Variants in CD109 observed in about 807,000 individuals in gnomAD.
CD109 encodes the protein CD109 antigen.
In CD109, 149 loss-of-function variants were observed where a neutral mutation model predicts 165.8. The ratio of observed to expected loss-of-function variants is 0.90; its 90% CI spans 0.79 to 1.03. The LOEUF (loss-of-function observed/expected upper bound fraction) is 1.03, where lower values mean the gene tolerates loss of function less well. CD109 is among the 50% of genes least tolerant of loss of function. The pLI, the probability that CD109 is intolerant of heterozygous loss-of-function variation, is 0.00. For missense variants in CD109, 1,712 were observed against 1,677.8 expected (o/e 1.02, Z -0.36); for synonymous variants, 585 against 592.1 (o/e 0.99, Z 0.18).
At chr6:73,699,243 C>A (rs904536165) in intron 2 of CD109, among the ~76,000 whole-genome samples, 2 of 152,110 alleles carry the variant, frequency 1.3e-5, no homozygotes, top group Admixed American at 6.5e-5. Context: ...TATTAAAAAA[C>A]CACCTATTGG....
intron 28 of CD109, 86 bp downstream of exon 28, chr6:73,811,233 A>T: frequency 7.0e-7 from 1 of 1,424,390 alleles, no homozygotes; most frequent in Non-Finnish European, 9.4e-7. Flanking sequence ...TGTTGATTTC[A>T]ACAAAGACTT....
chr6:73,770,386 C>T (rs544861199), intron 14 of CD109, among the ~76,000 whole-genome samples: 1 of 152,314 alleles, frequency 6.6e-6, no homozygotes, highest in East Asian at 1.9e-4. Context: ...TGTTAAGGCC[C>T]TCTTTGTCAG....
chr6:73,684,142 T>A, the CD109 span, among the ~76,000 whole-genome samples: 1 of 152,226 alleles, frequency 6.6e-6, no homozygotes, highest in Non-Finnish European at 1.5e-5. Context: ...GAAATGTGAT[T>A]GCTGGATCAT....
chr6:73,823,793 T>G lies in CD109; in HGVS notation c.*160T>G, dbSNP rs1388053929. 2.0e-6 allele frequency: 1 copy of G among 508,524 alleles called. No individual in the cohort carries two copies. The highest frequency in any genetic ancestry group is 3.3e-5 in the Admixed American group (1 of 30,516). The allele number at this position is 508,524 out of a possible 1,614,324, so 31.5% of individuals were successfully genotyped here. On this transcript the variant is annotated 3_prime_UTR_variant, in exon 33 of 33. Transcript: ENST00000287097. ...TACAACAGGTCCTAGCATGTATAGC[T>G]GCATAGATTTCTTCACCTGATCTTT...
the CD109 span, among the ~76,000 whole-genome samples, chr6:73,688,488 C>G: frequency 6.6e-6 from 1 of 152,108 alleles, no homozygotes; most frequent in Non-Finnish European, 1.5e-5. Flanking sequence ...TTGTAATTTC[C>G]TAAGTGTTAG....
intron 2 of CD109, among the ~76,000 whole-genome samples, chr6:73,707,745 T>G (rs1771336041): frequency 1.3e-5 from 2 of 152,048 alleles, no homozygotes; most frequent in African/African-American, 2.4e-5. Flanking sequence ...AATACTTAGT[T>G]CCAAGAAATG....
rs902159292 is a variant in CD109 at position 73,767,078 on chromosome 6, T to A, written c.1497+68T>A. On this transcript the variant is annotated intron_variant, in intron 13 of 32. Coordinates refer to ENST00000287097, the MANE Select transcript of CD109 (RefSeq NM_133493.5). ...CATCTTTTTATTCACTTTTAAGTTC[T>A]GGGGTACATGTGCAGGTTTGTTATA... is the stretch of plus-strand genomic sequence containing the variant. 6.6e-6 allele frequency: 9 copies of A among 1,372,710 alleles called. No individual in the cohort carries two copies. The African/African-American group carries it at 1.3e-4, about 20-fold the overall frequency. 85.0% of individuals were successfully genotyped at this position (1,372,710 alleles called of 1,614,324 possible).
At position 73,808,185 on chromosome 6, in the gene CD109, T is replaced by C. The variant is rs1176997530; in HGVS notation, c.3292T>C (p.Ser1098Pro). The change falls in exon 26 of 33, where the codon TCA becomes CCA. Residue 1098 changes from serine to proline, a missense_variant. Coordinates refer to ENST00000287097, the MANE Select transcript of CD109 (RefSeq NM_133493.5). Reference protein sequence around the residue: ...TLALITYALSSVGSPKAKEAL... With the variant: ...TLALITYALSPVGSPKAKEAL... ...AGCCCTTATAACTTATGCATTGTCA[T>C]CAGTGGGGAGTCCTAAAGCGAAGGA... 1.9e-6 allele frequency: 3 copies of C among 1,613,640 alleles called. No homozygotes were observed. The highest frequency in any genetic ancestry group is 2.5e-6 in the Non-Finnish European group (3 of 1,179,682).
At chr6:73,727,001 C>G (rs1038209574) in intron 3 of CD109, among the ~76,000 whole-genome samples, 1 of 152,108 alleles carries the variant, frequency 6.6e-6, no homozygotes, top group African/African-American at 2.4e-5. Context: ...CCCCCTTTCC[C>G]CCACCAATTT....
At chr6:73,757,262 G>T (rs1396362286) in intron 6 of CD109, among the ~76,000 whole-genome samples, 1 of 152,112 alleles carries the variant, frequency 6.6e-6, no homozygotes, top group African/African-American at 2.4e-5. Context: ...TCTTTTTTGA[G>T]ATTGGGTTTT....
At chr6:73,782,530 A>G in intron 17 of CD109, 84 bp from the exon 18 acceptor site, 3 of 1,328,804 alleles carry the variant, frequency 2.3e-6, no homozygotes, top group Non-Finnish European at 2.1e-6. Context: ...ACCTCAAGTG[A>G]TTGACATTCA....
In CD109 at chr6:73,768,055, G is replaced by A. The variant is rs765392321; in HGVS notation, c.1498G>A (p.Val500Ile). 1 of 1,611,566 alleles carries A rather than the reference G, an allele frequency of 6.2e-7. No individual in the cohort carries two copies. The highest frequency in any genetic ancestry group is 8.5e-7 in the Non-Finnish European group (1 of 1,178,564). The change falls in exon 14 of 33, where the codon GTA (valine) becomes ATA (isoleucine). Residue 500 changes from valine to isoleucine, a missense_variant and splice_region_variant. Transcript: ENST00000287097. The part of the protein sequence containing the change: ...NKRLKELSYM[V>I]VSRGQLVAVG... ...TAAACCCATCTACTGTTCTTTTCAGGTAGTATCCAGGGGACAGTTGGTGGC... is the reference window on the plus strand; with the variant it reads ...TAAACCCATCTACTGTTCTTTTCAGATAGTATCCAGGGGACAGTTGGTGGC...
the CD109 span, among the ~76,000 whole-genome samples, chr6:73,687,286 C>T: frequency 2.0e-5 from 3 of 152,078 alleles, no homozygotes; most frequent in African/African-American, 7.2e-5. Context: ...TTGCAGCATC[C>T]TCCAAAAGTG....
At chr6:73,712,862 A>T (rs45571640) in intron 2 of CD109, among the ~76,000 whole-genome samples, 79 of 152,358 alleles carry the variant, frequency 5.2e-4, no homozygotes, top group African/African-American at 1.6e-3. Flanking sequence ...CTATAAAAAC[A>T]CTAAGAAGAA....
At chr6:73,792,866 A>G in intron 23 of CD109, 64 bp downstream of exon 23, 1 of 1,198,032 alleles carries the variant, frequency 8.3e-7, no homozygotes, top group East Asian at 2.4e-5. Flanking sequence ...GGTAGGGTTC[A>G]TTCTAGACCA....
chr6:73,762,386 A>T lies in CD109; in HGVS notation c.761A>T (p.Tyr254Phe), dbSNP rs563439014. 3 of 1,581,150 alleles carry T rather than the reference A, an allele frequency of 1.9e-6. No individual in the cohort carries two copies. Among genetic ancestry groups the T allele is most frequent in the East Asian group, 2.2e-5 (1 of 44,626 alleles). ...KHLNGTITAK[Y>F]TYGKPVKGDV... is the part of the protein sequence containing the mutation. Reference sequence around the variant, plus strand: ...AGACTATGTTTATAATTATTCAGGTATACATATGGGAAGCCAGTGAAAGGA... The same window carrying T: ...AGACTATGTTTATAATTATTCAGGTTTACATATGGGAAGCCAGTGAAAGGA... Residue 254 changes from tyrosine to phenylalanine, a missense_variant and splice_region_variant, in exon 8 of 33, where the codon TAT becomes TTT. Tyr to Phe is a conservative substitution (Grantham distance 22). Coordinates refer to ENST00000287097, the MANE Select transcript of CD109 (RefSeq NM_133493.5).
chr6:73,809,675 A>G lies in CD109; in HGVS notation c.3356-309A>G, dbSNP rs1332843006. ...GCATTTCAGATTTTGGAATGTATGT[A>G]TGCTGTAAATATTCCAAAAATTCAA... On this transcript the variant is annotated intron_variant, in intron 26 of 32. Coordinates refer to ENST00000287097, the MANE Select transcript of CD109 (RefSeq NM_133493.5). 2.6e-5 allele frequency among the ~76,000 whole-genome samples: 4 copies of G among 152,220 alleles called. No homozygotes were observed. The East Asian group carries it at 7.7e-4, about 29-fold the overall frequency.
chr6:73,755,777 T>C (rs1403724578), intron 5 of CD109, among the ~76,000 whole-genome samples: 2 of 149,014 alleles, frequency 1.3e-5, no homozygotes, highest in African/African-American at 5.0e-5. Context: ...CTGGGCAACA[T>C]GGCAAAATCC....
At chr6:73,794,035 A>G (rs1775064661) in intron 23 of CD109, among the ~76,000 whole-genome samples, 1 of 152,238 alleles carries the variant, frequency 6.6e-6, no homozygotes, top group African/African-American at 2.4e-5. Flanking sequence ...TAAAGACGCC[A>G]TTGTAATGTG....
Sources: allele counts gnomAD v4.1 joint callset (sites outside exome capture counted in the v4.1 genomes callset), GRCh38; gene constraint gnomAD v4.1.1; transcripts MANE v1.5; gene names NCBI Gene and HGNC (gene_info 2026-07-23, HGNC 2026-07-21).